HIP1: variants seen among roughly 807,000 people sequenced by gnomAD.
HIP1 encodes the protein huntingtin-interacting protein 1.
In HIP1, 65 loss-of-function variants were observed where a neutral mutation model predicts 147.6. The ratio of observed to expected loss-of-function variants is 0.44; its 90% confidence interval spans 0.36 to 0.54. The LOEUF is 0.54. Ranked by LOEUF, HIP1 falls within the 20% of genes least tolerant of loss-of-function variation. HIP1 has a pLI of 0.00. For synonymous variants in HIP1, 479 were observed against 504.0 expected, an observed-to-expected ratio of 0.95 and a Z score of 0.67; for missense variants, 1,061 against 1,299.6, an observed-to-expected ratio of 0.82 and a Z score of 2.82.
At chr7:75,597,068 A>C (rs2116996753) in intron 2 of HIP1, among the ~76,000 whole-genome samples, 1 of 152,272 alleles carries the variant, frequency 6.6e-6, no homozygotes, top group South Asian at 2.1e-4. Flanking sequence ...AATCATCGCA[A>C]GGGTACCAAA....
chr7:75,559,699 C>CCGG, intron 14 of HIP1, 33 bp downstream of exon 14: 20 of 1,226,512 alleles, frequency 1.6e-5, no homozygotes, highest in East Asian at 2.6e-5. Context: ...CGCCTGCCCC[C>CCGG]GGGGCCCGCC....
chr7:75,703,765 G>A (rs1554519401), intron 1 of HIP1, among the ~76,000 whole-genome samples: 1 of 152,082 alleles, frequency 6.6e-6, no homozygotes, highest in African/African-American at 2.4e-5. Context: ...AAAGTAGATC[G>A]ATCATTTCAC....
chr7:75,538,353 C>T, intron 30 of HIP1, 129 bp from the exon 31 acceptor site: 1 of 762,692 alleles, frequency 1.3e-6, no homozygotes, highest in South Asian at 1.5e-5. Context: ...TCACATAGTC[C>T]CCAAGTTTCG....
chr7:75,579,545 G>A (rs782658328), intron 7 of HIP1, among the ~76,000 whole-genome samples: 1 of 152,014 alleles, frequency 6.6e-6, no homozygotes, highest in Non-Finnish European at 1.5e-5. Context: ...GCCCCCCTTG[G>A]CCTTCCAAAG....
At chr7:75,631,544 C>T (rs1236044603) in intron 1 of HIP1, among the ~76,000 whole-genome samples, 2 of 152,138 alleles carry the variant, frequency 1.3e-5, no homozygotes, top group African/African-American at 4.8e-5. Flanking sequence ...CTCACTCAAC[C>T]ATTCCCATTT....
In HIP1 at chr7:75,650,248, A is replaced by C. The variant is rs1554511763; in HGVS notation, c.121-51001T>G. ...AGCCACTCAGCCAAGTCCCTGAGTCAGCAAACAGCCTGGAAACCTCGCCTC... is the reference window on the plus strand; with the variant it reads ...AGCCACTCAGCCAAGTCCCTGAGTCCGCAAACAGCCTGGAAACCTCGCCTC... On this transcript the variant is annotated intron_variant, in intron 1 of 30. Coordinates refer to ENST00000336926, the MANE Select transcript of HIP1 (RefSeq NM_005338.7). 2.6e-5 allele frequency among the ~76,000 whole-genome samples: 4 copies of C among 152,132 alleles called. 1 individual carries two copies.
intron 1 of HIP1, among the ~76,000 whole-genome samples, chr7:75,612,865 A>C (rs781885747): frequency 2.6e-5 from 4 of 152,144 alleles, no homozygotes; most frequent in Non-Finnish European, 4.4e-5. Flanking sequence ...GTACTTTGAG[A>C]GGCCGAGGCA....
At chr7:75,554,398 G>A (rs1794912215) in intron 20 of HIP1, 42 bp downstream of exon 20, 1 of 1,526,512 alleles carries the variant, frequency 6.6e-7, no homozygotes. Context: ...AACCCTGTCT[G>A]GCCATCACTA....
At chr7:75,716,331 A>G (rs1391092524) in intron 1 of HIP1, among the ~76,000 whole-genome samples, 1 of 150,042 alleles carries the variant, frequency 6.7e-6, no homozygotes, top group Non-Finnish European at 1.5e-5. Flanking sequence ...GGATTCAAGC[A>G]ATTGTCCCAC....
At chr7:75,730,073 T>C (rs1447847445) in intron 1 of HIP1, among the ~76,000 whole-genome samples, 1 of 152,030 alleles carries the variant, frequency 6.6e-6, no homozygotes, top group Non-Finnish European at 1.5e-5. Flanking sequence ...GGTACAGTTG[T>C]CCAGTGGGAA....
intron 1 of HIP1, among the ~76,000 whole-genome samples, chr7:75,696,846 C>T (rs577712954): frequency 1.0e-3 from 158 of 151,476 alleles, no homozygotes; most frequent in Non-Finnish European, 2.1e-3. Context: ...GTGATCCACC[C>T]ACTTCAGCCT....
intron 1 of HIP1, among the ~76,000 whole-genome samples, chr7:75,643,675 A>G (rs1382633623): frequency 1.3e-5 from 2 of 152,162 alleles, no homozygotes; most frequent in Non-Finnish European, 2.9e-5. Context: ...AAATGTTATT[A>G]CCTGCATAAT....
rs1554500988 is a variant in HIP1, at chr7:75,592,410, G to A, written c.289C>T (p.His97Tyr). 1.9e-6 allele frequency: 3 copies of A among 1,612,450 alleles called. No homozygotes were observed. Among genetic ancestry groups the A allele is most frequent in the Non-Finnish European group, 2.5e-6 (3 of 1,179,618 alleles). ...SNAVLCWKFC[H>Y]VFHKLLRDGH... ...TCTCGGAGGAGTTTGTGGAACACAT[G>A]GCAGAACTTCCAGCAGAGCACTGCG... The change falls in exon 3 of 31, where the codon CAT becomes TAT. Residue 97 changes from histidine (H) to tyrosine (Y), a missense_variant. This residue lies in a region of HIP1 where 225 missense variants were observed against 292.9 expected (regional missense o/e 0.77). Transcript: ENST00000336926.
At chr7:75,592,578 C>T in intron 2 of HIP1, 64 bp from the exon 3 acceptor site, 2 of 1,520,324 alleles carry the variant, frequency 1.3e-6, no homozygotes, top group East Asian at 2.3e-5. Flanking sequence ...ACTGAGCCTG[C>T]ACCCAGCCAC....
At chr7:75,629,163 C>T (rs1316059634) in intron 1 of HIP1, among the ~76,000 whole-genome samples, 3 of 152,182 alleles carry the variant, frequency 2.0e-5, no homozygotes, top group Non-Finnish European at 4.4e-5. Context: ...GCCCAACCCA[C>T]GGTTTGCAAC....
At chr7:75,657,810 G>C (rs782283097) in intron 1 of HIP1, among the ~76,000 whole-genome samples, 1 of 151,902 alleles carries the variant, frequency 6.6e-6, no homozygotes, top group Non-Finnish European at 1.5e-5. Flanking sequence ...TGGGCGATGG[G>C]ATCATTTGAA....
intron 27 of HIP1, 105 bp downstream of exon 27, chr7:75,544,590 C>G: frequency 1.4e-6 from 1 of 740,262 alleles, no homozygotes; most frequent in Non-Finnish European, 2.4e-6. Flanking sequence ...CAAGTACTCT[C>G]TAACTCAGCC....
rs1563278393 is a variant in HIP1, at chr7:75,664,019, CATATATGTGTATATATAT to C, written c.121-64790_121-64773del. 6.1e-3 allele frequency among the ~76,000 whole-genome samples: 141 copies of C among 23,250 alleles called. 37 individuals are homozygous for C. The highest frequency in any genetic ancestry group is 5.7e-3 in the Non-Finnish European group (81 of 14,180). The allele number at this position is 23,250 out of a possible 152,430, so 15.3% of individuals were successfully genotyped here. ...ACACATATATGTGTATATATATACA[CATATATGTGTATATATAT>C]ACACATATATGTGTATATACACATA... is the stretch of plus-strand genomic sequence containing the variant. On this transcript the variant is annotated intron_variant, in intron 1 of 30. Transcript: ENST00000336926.
At chr7:75,590,618 AAAC>A (rs1796469935) in intron 4 of HIP1, among the ~76,000 whole-genome samples, 1 of 152,258 alleles carries the variant, frequency 6.6e-6, no homozygotes, top group African/African-American at 2.4e-5. Context: ...CTGGATAAAA[AAAC>A]AACAACCACA....
Sources: gnomAD v4.1 joint callset for allele counts (sites outside exome capture counted in the v4.1 genomes callset) on GRCh38, gnomAD v4.1.1 for gene constraint, gnomAD v4.1.1 regional missense constraint, MANE v1.5 for transcripts, NCBI Gene and HGNC (gene_info 2026-07-23, HGNC 2026-07-21) for gene names.